PRDM16: variants seen among roughly 807,000 people sequenced by gnomAD.
The protein encoded by PRDM16 is histone-lysine N-methyltransferase PRDM16.
A neutral mutation model predicts 110.6 loss-of-function variants in PRDM16; 23 were observed. The ratio of observed to expected loss-of-function variants is 0.21; its 90% CI spans 0.15 to 0.29. The LOEUF is 0.29. Among genes scored for constraint, PRDM16 ranks in the 10% least tolerant of loss-of-function variants. The pLI is 1.00. For synonymous variants in PRDM16, 799 were observed against 781.8 expected, an observed-to-expected ratio of 1.02 and a Z score of -0.37; for missense variants, 1,615 against 1,794.3, an observed-to-expected ratio of 0.90 and a Z score of 1.81.
chr1:3,202,274 T>A (rs1638647135), intron 2 of PRDM16, among the ~76,000 whole-genome samples: 1 of 151,758 alleles, frequency 6.6e-6, no homozygotes, highest in Non-Finnish European at 1.5e-5. Context: ...ACGTCAGATG[T>A]CAGCTGCAGA....
rs150619773 is a variant in PRDM16, at chr1:3,212,479, A to T, written c.387+26005A>T. Among the ~76,000 whole-genome samples the T allele has an allele frequency of 7.4e-3, 1,129 of 152,190 alleles. 16 individuals carry two copies. The highest frequency in any genetic ancestry group is 9.6e-3 in the Non-Finnish European group (652 of 67,976). ...GCAGTAGGGACAGCAGAGGTGGCCA[A>T]GGCCCCTCTCTCCTCACAGCCTCCT... On this transcript the variant is annotated intron_variant, in intron 2 of 16. Transcript: ENST00000270722.
At chr1:3,323,426 G>A (rs1343798540) in intron 3 of PRDM16, among the ~76,000 whole-genome samples, 2 of 152,256 alleles carry the variant, frequency 1.3e-5, no homozygotes, top group Admixed American at 6.5e-5. Context: ...AGCTGTTCCA[G>A]GCGCCAACAG....
At chr1:3,093,451 G>T (rs1642322145) in intron 1 of PRDM16, among the ~76,000 whole-genome samples, 1 of 152,200 alleles carries the variant, frequency 6.6e-6, no homozygotes, top group Non-Finnish European at 1.5e-5. Context: ...AGAATTGATT[G>T]ACTGTTTCTC....
chr1:3,265,829 T>A lies in PRDM16; in HGVS notation c.438+21692T>A, dbSNP rs1045548488. On this transcript the variant is annotated intron_variant, in intron 3 of 16. Coordinates refer to ENST00000270722, the MANE Select transcript of PRDM16 (RefSeq NM_022114.4). The surrounding 1 kb of genome is among the most constrained non-coding windows in gnomAD (Gnocchi z 4.5). Reference sequence around the variant, plus strand: ...TAGGAGCCCCCAGACCCTGCCTCAGTGGGTCGTGCCCAGGTCCTTCGCTCT... The same window carrying A: ...TAGGAGCCCCCAGACCCTGCCTCAGAGGGTCGTGCCCAGGTCCTTCGCTCT... Among the ~76,000 whole-genome samples the A allele has an allele frequency of 2.0e-5, 3 of 152,232 alleles. No individual in the cohort carries two copies. Among genetic ancestry groups the A allele is most frequent in the East Asian group, 3.9e-4 (2 of 5,172 alleles).
intron 1 of PRDM16, among the ~76,000 whole-genome samples, chr1:3,169,387 A>G (rs1643998581): frequency 6.6e-6 from 1 of 152,050 alleles, no homozygotes; most frequent in South Asian, 2.1e-4. Flanking sequence ...CCCCGTCCCT[A>G]GCGACTCTCC....
chr1:3,083,180 C>T (rs555934137), intron 1 of PRDM16, among the ~76,000 whole-genome samples: 11 of 152,318 alleles, frequency 7.2e-5, no homozygotes, highest in East Asian at 5.8e-4. Flanking sequence ...CCAGATTAAA[C>T]GTCTCGTCCG....
chr1:3,180,675 AG>A (rs1370292049), intron 1 of PRDM16, among the ~76,000 whole-genome samples: 1 of 135,630 alleles, frequency 7.4e-6, no homozygotes, highest in Non-Finnish European at 1.6e-5. Context: ...GAGGGAGGCA[AG>A]GGGGCCCGAA....
intron 10 of PRDM16, among the ~76,000 whole-genome samples, chr1:3,416,142 G>A (rs769756939): frequency 1.1e-4 from 17 of 152,342 alleles, no homozygotes; most frequent in African/African-American, 1.4e-4. Context: ...GTTTCTACTC[G>A]TTCGTTTCTT....
In PRDM16 at chr1:3,244,053, G is replaced by C. The variant is rs1175634019; in HGVS notation, c.388-34G>C. The C allele has an allele frequency of 6.2e-7, 1 of 1,610,434 alleles. No individual in the cohort carries two copies. The highest frequency in any genetic ancestry group is 2.2e-5 in the East Asian group (1 of 44,884). ...AGTGTAGCTTGAGAATGTTTTATCA[G>C]AAACTAACAACCCCTCTCAAAATTG... On this transcript the variant is annotated intron_variant, in intron 2 of 16. Transcript: ENST00000270722. This position sits in a 1 kb window ranked among gnomAD's most constrained non-coding sequence, Gnocchi z 4.1.
intron 3 of PRDM16, among the ~76,000 whole-genome samples, chr1:3,273,976 TAAAAAAAAAAA>T (rs927412647): frequency 2.9e-5 from 2 of 68,538 alleles, no homozygotes; most frequent in South Asian, 5.9e-4. Flanking sequence ...TATGGGGAGG[TAAAAAAAAAAA>T]AAAAAAAAAA....
intron 1 of PRDM16, among the ~76,000 whole-genome samples, chr1:3,101,714 G>A (rs1262948620): frequency 6.6e-6 from 1 of 152,228 alleles, no homozygotes; most frequent in Non-Finnish European, 1.5e-5. Context: ...GACCAGCCAG[G>A]GGTGGGGAAA....
intron 3 of PRDM16, among the ~76,000 whole-genome samples, chr1:3,287,157 T>C (rs1405358942): frequency 6.6e-6 from 1 of 152,218 alleles, no homozygotes; most frequent in Non-Finnish European, 1.5e-5. Context: ...AAGTGGGACC[T>C]GGACGCTTGA....
chr1:3,274,194 A>G lies in PRDM16; in HGVS notation c.438+30057A>G, dbSNP rs1300926019. Among the ~76,000 whole-genome samples the G allele has an allele frequency of 4.6e-5, 7 of 152,262 alleles. No homozygotes were observed. The South Asian group carries it at 1.5e-3, about 32-fold the overall frequency. On this transcript the variant is annotated intron_variant, in intron 3 of 16. Coordinates refer to ENST00000270722, the MANE Select transcript of PRDM16 (RefSeq NM_022114.4). ...CATGATGGCTATCCTTGCTTGCCAA[A>G]ACCTGACGCCCTGGCAGGTAACTTT...
chr1:3,181,704 GGTC>G (rs1644200185), intron 1 of PRDM16, among the ~76,000 whole-genome samples: 1 of 60,908 alleles, frequency 1.6e-5, no homozygotes, highest in Non-Finnish European at 3.2e-5. Context: ...TCTTACACAC[GGTC>G]TTACACACGC....
Position 3,379,141 on chromosome 1 carries a change from TCCCAGCACACCCC to T in PRDM16, c.439-6010_439-5998del, listed in dbSNP as rs1643050577. ...CAACTCACCCCTCCCAACACACCCC[TCCCAGCACACCCC>T]TCCCAGCACACCCCTCCCAAAACAC... On this transcript the variant is annotated intron_variant, in intron 3 of 16. Coordinates refer to ENST00000270722, the MANE Select transcript of PRDM16 (RefSeq NM_022114.4). 2.2e-4 allele frequency among the ~76,000 whole-genome samples: 3 copies of T among 13,798 alleles called. No individual in the cohort carries two copies. The South Asian group carries it at 0.013, about 57-fold the overall frequency. The allele number at this position is 13,798 out of a possible 152,430, so 9.1% of individuals were successfully genotyped here. A position where few individuals can be genotyped will look rare whatever the true frequency, so the allele number is the denominator to read the frequency against.
At chr1:3,336,876 A>C (rs563995430) in intron 3 of PRDM16, among the ~76,000 whole-genome samples, 1 of 150,072 alleles carries the variant, frequency 6.7e-6, no homozygotes, top group Admixed American at 6.6e-5. Context: ...TGCATGTGTG[A>C]GTGCATGCAT....
chr1:3,237,054 C>T (rs763742696), intron 2 of PRDM16, among the ~76,000 whole-genome samples: 24 of 152,138 alleles, frequency 1.6e-4, no homozygotes, highest in Non-Finnish European at 2.4e-4. Flanking sequence ...CAGGAAAGAC[C>T]CCCACATGCT....
At chr1:3,330,947 G>A (rs1642029489) in intron 3 of PRDM16, among the ~76,000 whole-genome samples, 1 of 152,248 alleles carries the variant, frequency 6.6e-6, no homozygotes. Flanking sequence ...GGGTCAGGGG[G>A]TGAGGAGATA....
At chr1:3,416,195 G>A (rs573253237) in intron 10 of PRDM16, among the ~76,000 whole-genome samples, 17 of 152,308 alleles carry the variant, frequency 1.1e-4, no homozygotes, top group South Asian at 4.1e-4. Flanking sequence ...ATAGCAAAAC[G>A]TCCCCACCAC....
Sources: gnomAD v4.1 joint callset for allele counts (sites outside exome capture counted in the v4.1 genomes callset) on GRCh38, gnomAD v4.1.1 for gene constraint, Gnocchi (gnomAD v3.1) non-coding constraint, MANE v1.5 for transcripts, NCBI Gene and HGNC (gene_info 2026-07-23, HGNC 2026-07-21) for gene names.